Variants in AGO3 observed in about 807,000 individuals in gnomAD.
The protein encoded by AGO3 is protein argonaute-3.
A neutral mutation model predicts 105.5 loss-of-function variants in AGO3; 16 were observed. That is an observed-to-expected ratio of 0.15 (90% CI 0.10 to 0.23). The LOEUF (loss-of-function observed/expected upper bound fraction) is 0.23. Among genes scored for constraint, AGO3 ranks in the 10% least tolerant of loss-of-function variants. The probability of loss-of-function intolerance (pLI) is 1.00; values close to 1 mark genes in which losing one functional copy is unlikely to be tolerated. For missense variants in AGO3, 534 were observed against 1,088.0 expected, an observed-to-expected ratio of 0.49 and a Z score of 7.16; for synonymous variants, 340 against 367.3, an observed-to-expected ratio of 0.93 and a Z score of 0.85.
intron 17 of AGO3, among the ~76,000 whole-genome samples, chr1:36,044,269 C>T (rs1158512708): frequency 2.0e-5 from 3 of 152,052 alleles, no homozygotes; most frequent in Admixed American, 1.3e-4. Flanking sequence ...CACTTGAGCG[C>T]GGAGGCAGAG....
At chr1:35,976,479 C>G (rs556248498) in intron 5 of AGO3, among the ~76,000 whole-genome samples, 7 of 152,038 alleles carry the variant, frequency 4.6e-5, no homozygotes, top group Admixed American at 2.0e-4. Context: ...TTTTATACCT[C>G]TAATTTTTTT....
chr1:36,067,065 T>C lies in AGO3; in HGVS notation c.*11320T>C, dbSNP rs901836219. The C allele has an allele frequency of 7.9e-5, 12 of 152,240 alleles. No individual in the cohort carries two copies. The highest frequency in any genetic ancestry group is 2.7e-4 in the African/African-American group (11 of 41,466). 9.4% of individuals were successfully genotyped at this position (152,240 alleles called of 1,614,324 possible). A position where few individuals can be genotyped will look rare whatever the true frequency, so the allele number is the denominator to read the frequency against. On this transcript the variant is annotated 3_prime_UTR_variant, in exon 19 of 19. Coordinates refer to ENST00000373191, the MANE Select transcript of AGO3 (RefSeq NM_024852.4). The stretch of plus-strand genomic sequence containing the variant: ...CAGTAAAGAAATTAAATGAAGTCTT[T>C]ATCCTTAAATAGGGCCAGGCATTGC...
intron 2 of AGO3, among the ~76,000 whole-genome samples, chr1:35,965,820 C>CTTTT (rs925988577): frequency 2.2e-4 from 26 of 120,142 alleles, no homozygotes; most frequent in Non-Finnish European, 3.3e-4. Context: ...TTGAATCTCT[C>CTTTT]TTTTTTTTTT....
chr1:35,932,165 A>C (rs982759881), intron 1 of AGO3, among the ~76,000 whole-genome samples: 4 of 152,232 alleles, frequency 2.6e-5, no homozygotes, highest in Non-Finnish European at 2.9e-5. Flanking sequence ...TTGCAGTCTT[A>C]AGAGAAAATT....
intron 12 of AGO3, among the ~76,000 whole-genome samples, chr1:36,030,639 A>T (rs916730333): frequency 6.6e-6 from 1 of 152,154 alleles, no homozygotes; most frequent in South Asian, 2.1e-4. Flanking sequence ...TACGTTGCTG[A>T]TGGTAGTATA....
chr1:35,962,325 C>T (rs572209406), intron 2 of AGO3, among the ~76,000 whole-genome samples: 3 of 152,134 alleles, frequency 2.0e-5, no homozygotes, highest in African/African-American at 4.8e-5. Flanking sequence ...GGGTGGATCA[C>T]GAGGTCAGGA....
chr1:36,038,818 C>A (rs1642126276), intron 14 of AGO3, among the ~76,000 whole-genome samples: 1 of 152,142 alleles, frequency 6.6e-6, no homozygotes. Context: ...AGATACAGAA[C>A]ACAAATGCAG....
rs980983716 is a variant in AGO3 at position 36,058,436 on chromosome 1, G to C, written c.*2691G>C. ...TTGTAACTCATGAAAATTGCATTTT[G>C]ATTTTTTTTTTTTTTGCACTGGTTC... On this transcript the variant is annotated 3_prime_UTR_variant, in exon 19 of 19. Transcript: ENST00000373191. 2 of 150,598 alleles carry C rather than the reference G, an allele frequency of 1.3e-5. No individual in the cohort carries two copies. Among genetic ancestry groups the C allele is most frequent in the African/African-American group, 4.9e-5 (2 of 40,856 alleles). 9.3% of individuals were successfully genotyped at this position (150,598 alleles called of 1,614,324 possible).
rs1039834419 is a variant in AGO3 at position 36,062,337 on chromosome 1, C to G, written c.*6592C>G. The G allele has an allele frequency of 1.3e-5, 2 of 151,856 alleles. No individual in the cohort carries two copies. The highest frequency in any genetic ancestry group is 4.8e-5 in the African/African-American group (2 of 41,352). 9.4% of individuals were successfully genotyped at this position (151,856 alleles called of 1,614,324 possible). A position where few individuals can be genotyped will look rare whatever the true frequency, so the allele number is the denominator to read the frequency against. ...ACCACCACACCCGGCCCTAATTAGT[C>G]ATTATTAAGGAGGACTGCTCATAAA... On this transcript the variant is annotated 3_prime_UTR_variant, in exon 19 of 19. Transcript: ENST00000373191.
At chr1:35,989,820 G>A (rs1407940859) in intron 5 of AGO3, among the ~76,000 whole-genome samples, 4 of 151,960 alleles carry the variant, frequency 2.6e-5, no homozygotes, top group Non-Finnish European at 5.9e-5. Context: ...GTTCCAGTGA[G>A]CCATGATCTC....
chr1:35,953,934 T>C (rs1557649264), intron 2 of AGO3, among the ~76,000 whole-genome samples: 2 of 152,224 alleles, frequency 1.3e-5, no homozygotes, highest in Non-Finnish European at 2.9e-5. Context: ...TTATACATGT[T>C]GCATCTTCAT....
At chr1:36,007,793 A>G (rs1640408687) in intron 6 of AGO3, among the ~76,000 whole-genome samples, 1 of 152,208 alleles carries the variant, frequency 6.6e-6, no homozygotes, top group Non-Finnish European at 1.5e-5. Context: ...CCATATTAGC[A>G]TAAATGTAGA....
intron 11 of AGO3, among the ~76,000 whole-genome samples, chr1:36,018,823 C>T (rs1641058710): frequency 6.6e-6 from 1 of 151,874 alleles, no homozygotes; most frequent in African/African-American, 2.4e-5. Flanking sequence ...TCATAACAGG[C>T]ATGAACTTGG....
At chr1:35,956,637 G>GC (rs1483769998) in intron 2 of AGO3, among the ~76,000 whole-genome samples, 109 of 137,666 alleles carry the variant, frequency 7.9e-4, no homozygotes, top group Middle Eastern at 3.8e-3. Flanking sequence ...TTCTTTTTTT[G>GC]TTTTTTTTTT....
chr1:36,017,396 A>G (rs918453919), intron 11 of AGO3, among the ~76,000 whole-genome samples: 3 of 152,220 alleles, frequency 2.0e-5, no homozygotes, highest in Non-Finnish European at 4.4e-5. Flanking sequence ...TCCATGTTCA[A>G]TAAGAAGTAG....
At chr1:36,040,549 T>C in intron 16 of AGO3, 108 bp downstream of exon 16, 3 of 1,240,316 alleles carry the variant, frequency 2.4e-6, no homozygotes, top group Non-Finnish European at 3.4e-6. Context: ...CAATATATAG[T>C]AGCAAATTTC....
Position 36,008,510 on chromosome 1 carries a change from A to G in AGO3, c.794-180A>G, listed in dbSNP as rs74556430. The stretch of plus-strand genomic sequence containing the variant: ...GAAAAATTTTGCCATTAGGTCTGTC[A>G]TGACTGTGACCATTATTAGCAATGT... On this transcript the variant is annotated intron_variant, in intron 6 of 18. Transcript: ENST00000373191. The surrounding 1 kb of genome is among the most constrained non-coding windows in gnomAD (Gnocchi z 5.1). Among the ~76,000 whole-genome samples the G allele has an allele frequency of 6.6e-6, 1 of 152,158 alleles. No homozygotes were observed. The highest frequency in any genetic ancestry group is 6.5e-5 in the Admixed American group (1 of 15,274).
rs1336485467 is a variant in AGO3, at chr1:36,063,645, T to C, written c.*7900T>C. Reference sequence around the variant, plus strand: ...GGGAGAGCCAGGTATAAAGACTGATTAATAGAGTACTTCAGCTAATTAAAA... The same window carrying C: ...GGGAGAGCCAGGTATAAAGACTGATCAATAGAGTACTTCAGCTAATTAAAA... On this transcript the variant is annotated 3_prime_UTR_variant, in exon 19 of 19. Transcript: ENST00000373191. 1 of 152,184 alleles carries C rather than the reference T, an allele frequency of 6.6e-6. No individual in the cohort carries two copies. Among genetic ancestry groups the C allele is most frequent in the Non-Finnish European group, 1.5e-5 (1 of 68,046 alleles). The allele number at this position is 152,184 out of a possible 1,614,324, so 9.4% of individuals were successfully genotyped here.
chr1:35,987,389 A>G lies in AGO3; in HGVS notation c.658+13878A>G, dbSNP rs531373490. Among the ~76,000 whole-genome samples the G allele has an allele frequency of 4.6e-5, 7 of 151,122 alleles. No individual in the cohort carries two copies. In the South Asian group the frequency reaches 1.5e-3, roughly 32 times the overall value. Reference sequence around the variant, plus strand: ...GTGCCTGTAATCCCAGCTACTAGGGAGGCTGAGGCAGGAGAATTTCTTGAA... The same window carrying G: ...GTGCCTGTAATCCCAGCTACTAGGGGGGCTGAGGCAGGAGAATTTCTTGAA... On this transcript the variant is annotated intron_variant, in intron 5 of 18. Coordinates refer to ENST00000373191, the MANE Select transcript of AGO3 (RefSeq NM_024852.4).
Sources: gnomAD v4.1 joint callset for allele counts (sites outside exome capture counted in the v4.1 genomes callset) on GRCh38, gnomAD v4.1.1 for gene constraint, Gnocchi (gnomAD v3.1) non-coding constraint, MANE v1.5 for transcripts, NCBI Gene and HGNC (gene_info 2026-07-23, HGNC 2026-07-21) for gene names.